Variants in RPAP2 observed in about 807,000 individuals in gnomAD.
RPAP2 encodes RNA polymerase II associated protein 2.
RPAP2 carries 52 observed loss-of-function variants against 73.1 expected under a neutral mutation model. That is an observed-to-expected ratio of 0.71 (90% CI 0.57 to 0.90). The LOEUF (loss-of-function observed/expected upper bound fraction) is 0.90, where lower values mean the gene tolerates loss of function less well. RPAP2 is among the 40% of genes least tolerant of loss of function. The pLI is 0.00. For synonymous variants in RPAP2, 225 were observed against 242.1 expected, an observed-to-expected ratio of 0.93 and a Z score of 0.65; for missense variants, 598 against 701.8, an observed-to-expected ratio of 0.85 and a Z score of 1.67.
intron 6 of RPAP2, among the ~76,000 whole-genome samples, chr1:92,312,600 C>T (rs184485352): frequency 7.9e-5 from 12 of 152,188 alleles, no homozygotes; most frequent in Admixed American, 5.2e-4. Flanking sequence ...GCTGTATATC[C>T]GTTCAAGTTG....
intron 10 of RPAP2, among the ~76,000 whole-genome samples, chr1:92,341,818 T>G (rs1653609895): frequency 6.6e-6 from 1 of 152,182 alleles, no homozygotes; most frequent in East Asian, 1.9e-4. Flanking sequence ...CTAATTTTCA[T>G]ATTTTTAGTA....
chr1:92,338,265 A>G lies in RPAP2; in HGVS notation c.1619+1838A>G, dbSNP rs141930774. On this transcript the variant is annotated intron_variant, in intron 10 of 12. Coordinates refer to ENST00000610020, the MANE Select transcript of RPAP2 (RefSeq NM_024813.3). ...ACCCTCATTAGGTGTCATGAAAACTATGCAATTTGAAGATTATTGATCACT... is the reference window on the plus strand; with the variant it reads ...ACCCTCATTAGGTGTCATGAAAACTGTGCAATTTGAAGATTATTGATCACT... Among the ~76,000 whole-genome samples the G allele has an allele frequency of 2.7e-4, 41 of 152,334 alleles. No individual in the cohort carries two copies. In the East Asian group the frequency reaches 7.5e-3, roughly 28 times the overall value.
chr1:92,356,129 A>G (rs1654450084), intron 11 of RPAP2, among the ~76,000 whole-genome samples: 1 of 151,360 alleles, frequency 6.6e-6, no homozygotes, highest in African/African-American at 2.4e-5. Context: ...TATTCTTTAC[A>G]TTTTATTTAT....
At chr1:92,333,816 A>G (rs1653115263) in intron 9 of RPAP2, among the ~76,000 whole-genome samples, 1 of 152,224 alleles carries the variant, frequency 6.6e-6, no homozygotes, top group South Asian at 2.1e-4. Context: ...GTGTCACAGC[A>G]GTTTCAGATG....
At chr1:92,306,755 C>T (rs181235664) in intron 5 of RPAP2, among the ~76,000 whole-genome samples, 9 of 152,184 alleles carry the variant, frequency 5.9e-5, no homozygotes, top group Admixed American at 5.9e-4. Flanking sequence ...CAGAGGATTA[C>T]TTGAGCCCAG....
intron 11 of RPAP2, chr1:92,363,762 TAATG>T: frequency 3.0e-6 from 1 of 329,224 alleles, no homozygotes. Flanking sequence ...TACTTCCACT[TAATG>T]AATAGTAAAT....
At chr1:92,299,222 C>G (rs1650588962) in intron 1 of RPAP2, 76 bp downstream of exon 1, 2 of 921,030 alleles carry the variant, frequency 2.2e-6, no homozygotes, top group Non-Finnish European at 3.1e-6. Flanking sequence ...CCGCAGCGCG[C>G]GGGCGCTCCT....
intron 10 of RPAP2, among the ~76,000 whole-genome samples, chr1:92,344,130 C>A (rs1189099305): frequency 6.6e-6 from 1 of 152,166 alleles, no homozygotes; most frequent in African/African-American, 2.4e-5. Flanking sequence ...GCTATACCAG[C>A]TGGGCACCGT....
chr1:92,326,686 G>A (rs1652650303), intron 8 of RPAP2, among the ~76,000 whole-genome samples: 1 of 152,188 alleles, frequency 6.6e-6, no homozygotes, highest in Admixed American at 6.5e-5. Context: ...GCTATTCCAG[G>A]AAGATTATGG....
chr1:92,300,317 G>C (rs1165368757), intron 2 of RPAP2, 78 bp downstream of exon 2: 1 of 1,164,014 alleles, frequency 8.6e-7, no homozygotes, highest in Non-Finnish European at 1.2e-6. Context: ...AAACAATAAT[G>C]GTTACCTTTT....
chr1:92,304,355 T>G lies in RPAP2; in HGVS notation c.399+6T>G. On this transcript the variant is annotated splice_donor_region_variant and intron_variant, in intron 5 of 12. Coordinates refer to ENST00000610020, the MANE Select transcript of RPAP2 (RefSeq NM_024813.3). ...ATGATATTACTGAAAGAAAGGTGAG[T>G]TTAAAGGCTTTCATTGTGGCAATTA... 6.8e-7 allele frequency: 1 copy of G among 1,470,688 alleles called. No homozygotes were observed. The highest frequency in any genetic ancestry group is 9.3e-7 in the Non-Finnish European group (1 of 1,073,894). 91.1% of individuals were successfully genotyped at this position (1,470,688 alleles called of 1,614,324 possible).
At chr1:92,320,566 G>A (rs369615220) in intron 6 of RPAP2, 33 bp from the exon 7 acceptor site, 82 of 1,602,806 alleles carry the variant, frequency 5.1e-5, no homozygotes, top group Middle Eastern at 5.0e-4. Flanking sequence ...CACCGCACCC[G>A]GCCTAATTTT....
At chr1:92,336,534 C>A in intron 10 of RPAP2, 107 bp downstream of exon 10, 1 of 725,152 alleles carries the variant, frequency 1.4e-6, no homozygotes, top group Non-Finnish European at 2.4e-6. Flanking sequence ...TTCAATGTCA[C>A]AGATCTAAAT....
At chr1:92,374,711 C>T (rs1655313424) in intron 11 of RPAP2, among the ~76,000 whole-genome samples, 1 of 152,162 alleles carries the variant, frequency 6.6e-6, no homozygotes, top group Non-Finnish European at 1.5e-5. Flanking sequence ...GACACAGAGC[C>T]TCTTGCTACA....
intron 11 of RPAP2, among the ~76,000 whole-genome samples, chr1:92,374,926 A>G (rs1226332100): frequency 1.3e-5 from 2 of 152,182 alleles, no homozygotes; most frequent in Non-Finnish European, 2.9e-5. Context: ...GAGCTTATCT[A>G]TGTAAGCAAA....
rs113270662 is a variant in RPAP2 at position 92,343,832 on chromosome 1, G to A, written c.1620-2014G>A. On this transcript the variant is annotated intron_variant, in intron 10 of 12. Coordinates refer to ENST00000610020, the MANE Select transcript of RPAP2 (RefSeq NM_024813.3). ...GAATATTGGGTTTGGGAGGTAGAGG[G>A]CAAGTTGTACTTTTTAATACTGTGG... Among the ~76,000 whole-genome samples, 1,088 of 152,298 alleles carry A rather than the reference G, an allele frequency of 7.1e-3. 12 individuals are homozygous for A. Among genetic ancestry groups the A allele is most frequent in the African/African-American group, 0.025 (1,042 of 41,556 alleles).
intron 8 of RPAP2, among the ~76,000 whole-genome samples, chr1:92,325,045 T>C (rs1217360305): frequency 1.3e-5 from 2 of 152,200 alleles, no homozygotes; most frequent in African/African-American, 4.8e-5. Context: ...AAAGCATTTA[T>C]CACAGTACAT....
intron 10 of RPAP2, among the ~76,000 whole-genome samples, chr1:92,345,379 TAAAA>T (rs57025975): frequency 3.4e-4 from 25 of 73,760 alleles, no homozygotes; most frequent in Middle Eastern, 9.6e-3. Flanking sequence ...CCCGTTTCTT[TAAAA>T]AAAAAAAAAA....
At position 92,390,773 on chromosome 1, in the gene RPAP2, C is replaced by G. The variant is rs1448884765; in HGVS notation, c.*3762C>G. ...GTCTCTGATAAAACAGACTTTAAAC[C>G]AACAAAGATCAAAAGAGACAAAGAA... On this transcript the variant is annotated 3_prime_UTR_variant, in exon 13 of 13. Transcript: ENST00000610020. 1 of 152,046 alleles carries G rather than the reference C, an allele frequency of 6.6e-6. No individual in the cohort carries two copies. Among genetic ancestry groups the G allele is most frequent in the Non-Finnish European group, 1.5e-5 (1 of 68,008 alleles). The allele number at this position is 152,046 out of a possible 1,614,324, so 9.4% of individuals were successfully genotyped here. A position where few individuals can be genotyped will look rare whatever the true frequency, so the allele number is the denominator to read the frequency against.
Sources: allele counts gnomAD v4.1 joint callset (sites outside exome capture counted in the v4.1 genomes callset), GRCh38; gene constraint gnomAD v4.1.1; transcripts MANE v1.5; gene names NCBI Gene and HGNC (gene_info 2026-07-23, HGNC 2026-07-21).